The following CCDC171 variants were observed in gnomAD, a reference collection of about 807,000 sequenced individuals.
CCDC171 encodes the protein coiled-coil domain containing 171.
CCDC171 carries 177 observed loss-of-function variants against 168.2 expected under a neutral mutation model. The observed-to-expected ratio is 1.05, with a 90% CI of 0.93 to 1.19. The LOEUF (loss-of-function observed/expected upper bound fraction) is 1.19. Among genes scored for constraint, CCDC171 ranks in the 50% most tolerant of loss-of-function variants. The pLI is 0.00. For synonymous variants in CCDC171, 687 were observed against 540.8 expected (o/e 1.27, Z -3.75); for missense variants, 1,991 against 1,539.0 (o/e 1.29, Z -4.91).
chr9:15,693,200 A>T (rs2050949311), intron 10 of CCDC171, among the ~76,000 whole-genome samples: 1 of 43,296 alleles, frequency 2.3e-5, no homozygotes, highest in Non-Finnish European at 4.8e-5. Flanking sequence ...CTGCGTTTAC[A>T]AATAGGTACA....
At chr9:15,805,299 T>G (rs1052697084) in intron 21 of CCDC171, among the ~76,000 whole-genome samples, 5 of 152,268 alleles carry the variant, frequency 3.3e-5, no homozygotes, top group Non-Finnish European at 2.9e-5. Flanking sequence ...GGGGTTTGTT[T>G]ACTCTTGGTT....
At chr9:15,800,421 T>C (rs2058765172) in intron 21 of CCDC171, among the ~76,000 whole-genome samples, 1 of 152,152 alleles carries the variant, frequency 6.6e-6, no homozygotes. Context: ...TTTTAAAAAA[T>C]GTCAATTTAA....
chr9:15,602,417 T>G lies in CCDC171; in HGVS notation c.675+8245T>G, dbSNP rs189231757. On this transcript the variant is annotated intron_variant, in intron 6 of 25. Coordinates refer to ENST00000380701, the MANE Select transcript of CCDC171 (RefSeq NM_173550.4). ...AAACCTTCTCAGTGAAACCCCATCT[T>G]TAATAGACAAAACTTGTTATAATAT... Among the ~76,000 whole-genome samples, 360 of 152,270 alleles carry G rather than the reference T, an allele frequency of 2.4e-3. 1 individual carries two copies. The highest frequency in any genetic ancestry group is 8.0e-3 in the African/African-American group (334 of 41,564).
chr9:16,104,354 TC>T, the CCDC171 span, among the ~76,000 whole-genome samples: 5,204 of 152,170 alleles, frequency 0.034, 140 homozygotes, highest in African/African-American at 0.076. Flanking sequence ...CCTGCCTTTC[TC>T]TTCCAGCTGC....
At position 15,819,154 on chromosome 9, in the gene CCDC171, G is replaced by C. The variant is rs2059670375; in HGVS notation, c.3268-27548G>C. Among the ~76,000 whole-genome samples, 2 of 117,476 alleles carry C rather than the reference G, an allele frequency of 1.7e-5. 1 individual carries two copies. Among genetic ancestry groups the C allele is most frequent in the Non-Finnish European group, 3.8e-5 (2 of 52,364 alleles). The allele number at this position is 117,476 out of a possible 152,430, so 77.1% of individuals were successfully genotyped here. ...AGACAAGCAAATGCTGAGAGATTTT[G>C]TCATCACCAGGCCTGCCCTGCAAGA... On this transcript the variant is annotated intron_variant, in intron 21 of 25. Transcript: ENST00000380701.
At chr9:15,663,990 T>C (rs2048525704) in intron 8 of CCDC171, among the ~76,000 whole-genome samples, 1 of 152,182 alleles carries the variant, frequency 6.6e-6, no homozygotes, top group Non-Finnish European at 1.5e-5. Context: ...GAGGCCATTA[T>C]CTTAAGCGAA....
At chr9:15,748,151 C>G (rs950053411) in intron 18 of CCDC171, among the ~76,000 whole-genome samples, 2 of 152,076 alleles carry the variant, frequency 1.3e-5, no homozygotes, top group African/African-American at 4.8e-5. Flanking sequence ...AGCTGAAAAA[C>G]ACAGCATGAG....
At chr9:15,912,815 GT>G (rs1823903087) in intron 24 of CCDC171, among the ~76,000 whole-genome samples, 1 of 152,132 alleles carries the variant, frequency 6.6e-6, no homozygotes, top group Non-Finnish European at 1.5e-5. Context: ...TTTGTCATTG[GT>G]TTTGTTTATG....
rs889020034 is a variant in CCDC171 at position 15,972,361 on chromosome 9, T to C, written c.*525T>C. The C allele has an allele frequency of 1.2e-4, 19 of 155,556 alleles. No individual in the cohort carries two copies. The highest frequency in any genetic ancestry group is 4.1e-4 in the African/African-American group (17 of 41,476). The allele number at this position is 155,556 out of a possible 1,614,324, so 9.6% of individuals were successfully genotyped here. ...AGCAGGTTGTGCAAAACAGAAATGA[T>C]GTGACTGCTTCTCCTCCTGCACAAT... On this transcript the variant is annotated 3_prime_UTR_variant, in exon 26 of 26. Transcript: ENST00000380701.
intron 23 of CCDC171, among the ~76,000 whole-genome samples, chr9:15,867,413 C>T (rs1236417826): frequency 6.6e-6 from 1 of 152,018 alleles, no homozygotes; most frequent in Non-Finnish European, 1.5e-5. Context: ...TCCTCTGCCT[C>T]TAAAAAACCC....
chr9:15,590,829 CT>C (rs749155309), intron 4 of CCDC171, among the ~76,000 whole-genome samples: 7 of 113,396 alleles, frequency 6.2e-5, no homozygotes, highest in South Asian at 2.7e-4. Flanking sequence ...TTCTTTCTTT[CT>C]TTCTTCTTCT....
chr9:15,890,533 T>TTTC (rs1341245238), intron 24 of CCDC171, among the ~76,000 whole-genome samples: 1 of 149,960 alleles, frequency 6.7e-6, no homozygotes, highest in African/African-American at 2.4e-5. Context: ...TTGGTAAGGT[T>TTTC]TTTTTTTTTT....
intron 23 of CCDC171, among the ~76,000 whole-genome samples, chr9:15,861,333 T>G (rs1253628093): frequency 6.6e-6 from 1 of 151,808 alleles, no homozygotes; most frequent in African/African-American, 2.4e-5. Flanking sequence ...AGGAAATTAT[T>G]TATTATTGCC....
chr9:15,738,199 A>G (rs1047559329), intron 16 of CCDC171, among the ~76,000 whole-genome samples: 1 of 152,216 alleles, frequency 6.6e-6, no homozygotes, highest in African/African-American at 2.4e-5. Flanking sequence ...GGAAGTGTCT[A>G]ATTTCTGGCC....
chr9:15,643,615 T>G (rs1208788262), intron 7 of CCDC171, among the ~76,000 whole-genome samples: 1 of 152,240 alleles, frequency 6.6e-6, no homozygotes, highest in Non-Finnish European at 1.5e-5. Context: ...TACAATTCAA[T>G]GCTTTTAATA....
At chr9:15,626,711 T>C (rs948512456) in intron 7 of CCDC171, among the ~76,000 whole-genome samples, 20 of 152,350 alleles carry the variant, frequency 1.3e-4, no homozygotes, top group Admixed American at 1.2e-3. Context: ...CTGGATTCAG[T>C]TTGCCAGTAT....
chr9:16,072,219 C>G, the CCDC171 span, among the ~76,000 whole-genome samples: 1 of 152,158 alleles, frequency 6.6e-6, no homozygotes, highest in African/African-American at 2.4e-5. Flanking sequence ...ATTTCCAGAC[C>G]TTCTTTTCCT....
At chr9:15,824,588 G>A (rs1181647999) in intron 21 of CCDC171, among the ~76,000 whole-genome samples, 2 of 151,996 alleles carry the variant, frequency 1.3e-5, no homozygotes, top group African/African-American at 2.4e-5. Flanking sequence ...TCTGGATTAT[G>A]ACTTTCACAG....
intron 10 of CCDC171, among the ~76,000 whole-genome samples, chr9:15,687,757 G>A (rs1314004094): frequency 1.3e-5 from 2 of 152,124 alleles, no homozygotes; most frequent in Non-Finnish European, 2.9e-5. Flanking sequence ...AAAACTATAT[G>A]CCAACAAATT....
Sources: allele counts gnomAD v4.1 joint callset (sites outside exome capture counted in the v4.1 genomes callset), GRCh38; gene constraint gnomAD v4.1.1; transcripts MANE v1.5; gene names NCBI Gene and HGNC (gene_info 2026-07-23, HGNC 2026-07-21).